ZFP2: variants seen among roughly 807,000 people sequenced by gnomAD.
ZFP2 encodes ZFP2 zinc finger protein.
Under a neutral mutation model 36.1 loss-of-function variants are expected in ZFP2, and 33 were observed. That is an observed-to-expected ratio of 0.92 (90% confidence interval 0.69 to 1.22). The LOEUF (loss-of-function observed/expected upper bound fraction) is 1.22, where lower values mean the gene tolerates loss of function less well. ZFP2 is among the 50% of genes most tolerant of loss of function. The pLI is 0.00. For missense variants in ZFP2, 522 were observed against 551.4 expected, an observed-to-expected ratio of 0.95 and a Z score of 0.53; for synonymous variants, 170 against 178.0, an observed-to-expected ratio of 0.96 and a Z score of 0.36.
chr5:178,910,428 C>T (rs369368190), intron 1 of ZFP2: 12 of 788,996 alleles, frequency 1.5e-5, no homozygotes, highest in Middle Eastern at 2.3e-4. Flanking sequence ...CTGGCAGCCT[C>T]GGCCTTCTTG....
chr5:178,931,648 G>C lies in ZFP2; in HGVS notation c.335G>C (p.Ser112Thr), dbSNP rs199533229. 360 of 1,614,150 alleles carry C rather than the reference G, an allele frequency of 2.2e-4. 4 individuals carry two copies. The South Asian group carries it at 3.7e-3, about 16-fold the overall frequency. The change falls in exon 5 of 5, where the codon AGT becomes ACT. Residue 112 changes from serine (S) to threonine (T), a missense_variant. Transcript: ENST00000361362. Reference sequence around the variant, plus strand: ...TGTAATCAGTGCAGCAAAACCTTCAGTCAGAGCTCATCCCTTCTTAAGCAC... The same window carrying C: ...TGTAATCAGTGCAGCAAAACCTTCACTCAGAGCTCATCCCTTCTTAAGCAC... Reference protein sequence around the residue: ...YECNQCSKTFSQSSSLLKHQR... With the variant: ...YECNQCSKTFTQSSSLLKHQR...
At chr5:178,922,709 C>T (rs1758582670) in intron 4 of ZFP2, 2 of 1,580,064 alleles carry the variant, frequency 1.3e-6, no homozygotes, top group Non-Finnish European at 1.7e-6. Context: ...AACTTACATA[C>T]AAGAACAATT....
In ZFP2 at chr5:178,909,785, C is replaced by T. The variant is rs569359407; in HGVS notation, c.-449-2799C>T. On this transcript the variant is annotated intron_variant, in intron 1 of 4. Coordinates refer to ENST00000361362, the MANE Select transcript of ZFP2 (RefSeq NM_030613.4). ...TCCCTTCCTCTTCTCTTTTCCTTCG[C>T]TTCATTTCCCACTCCACAAAGGTGT... 2.1e-5 allele frequency: 34 copies of T among 1,586,414 alleles called. No homozygotes were observed. In the East Asian group the frequency reaches 6.7e-4, roughly 31 times the overall value.
At chr5:178,901,713 C>G (rs1758060326) in intron 1 of ZFP2, among the ~76,000 whole-genome samples, 1 of 151,928 alleles carries the variant, frequency 6.6e-6, no homozygotes, top group Non-Finnish European at 1.5e-5. Context: ...TTGGGGGACA[C>G]AGTTCATAAC....
intron 4 of ZFP2, among the ~76,000 whole-genome samples, chr5:178,923,068 T>C (rs1192826482): frequency 6.7e-6 from 1 of 149,740 alleles, no homozygotes; most frequent in South Asian, 2.1e-4. Flanking sequence ...TCCCAGATAG[T>C]TGAAATGTAA....
chr5:178,916,108 G>C (rs895270184), intron 3 of ZFP2, among the ~76,000 whole-genome samples: 1 of 150,854 alleles, frequency 6.6e-6, no homozygotes, highest in African/African-American at 2.4e-5. Context: ...GGATGCTCTG[G>C]TGAAGGTGAG....
At chr5:178,929,483 C>T (rs1273340642) in intron 4 of ZFP2, among the ~76,000 whole-genome samples, 1 of 152,214 alleles carries the variant, frequency 6.6e-6, no homozygotes. Context: ...ACCATTCTCT[C>T]AAGTTCAAAG....
chr5:178,923,062 A>G (rs1420830254), intron 4 of ZFP2, among the ~76,000 whole-genome samples: 2 of 149,610 alleles, frequency 1.3e-5, no homozygotes, highest in African/African-American at 4.9e-5. Flanking sequence ...AGGATTTCCC[A>G]GATAGTTGAA....
At chr5:178,927,662 A>T (rs950243262) in intron 4 of ZFP2, among the ~76,000 whole-genome samples, 4 of 100,748 alleles carry the variant, frequency 4.0e-5, no homozygotes, top group African/African-American at 1.5e-4. Flanking sequence ...ATACCTGGCC[A>T]ATGTGTGTGT....
At chr5:178,930,985 C>G (rs907217017) in intron 4 of ZFP2, among the ~76,000 whole-genome samples, 2 of 152,218 alleles carry the variant, frequency 1.3e-5, no homozygotes, top group African/African-American at 4.8e-5. Context: ...TGGGCTCACT[C>G]TTTTCTCTGC....
At chr5:178,914,991 G>C (rs1758387031) in intron 3 of ZFP2, among the ~76,000 whole-genome samples, 1 of 152,140 alleles carries the variant, frequency 6.6e-6, no homozygotes, top group South Asian at 2.1e-4. Flanking sequence ...AGATCTATTT[G>C]TACTATCATT....
chr5:178,899,940 G>GTATAAACT (rs1207392077), intron 1 of ZFP2, among the ~76,000 whole-genome samples: 1 of 152,296 alleles, frequency 6.6e-6, no homozygotes, highest in East Asian at 1.9e-4. Context: ...GTGGAGGCAA[G>GTATAAACT]TATAAACTGT....
chr5:178,921,846 C>T (rs1477316111), intron 4 of ZFP2, among the ~76,000 whole-genome samples: 2 of 149,466 alleles, frequency 1.3e-5, no homozygotes, highest in African/African-American at 2.4e-5. Flanking sequence ...TTGCTTCATG[C>T]TTTCTGTTCG....
chr5:178,914,796 TCTC>T (rs1024796828), intron 3 of ZFP2, among the ~76,000 whole-genome samples: 1 of 152,084 alleles, frequency 6.6e-6, no homozygotes, highest in Non-Finnish European at 1.5e-5. Flanking sequence ...AGGGAGGGCT[TCTC>T]CTTTAATGAG....
At position 178,932,603 on chromosome 5, in the gene ZFP2, A is replaced by G. The variant is rs765570203; in HGVS notation, c.1290A>G (p.Arg430=). ...ATTCATCCCTTACAGTGCATCAGAGAACTCATACAGGAGAGAAACCCTATC... is the reference window on the plus strand; with the variant it reads ...ATTCATCCCTTACAGTGCATCAGAGGACTCATACAGGAGAGAAACCCTATC... The part of the protein sequence containing the change: ...IKNSSLTVHQ[R]THTGEKPYQC... The change falls in exon 5 of 5, where the codon AGA becomes AGG. Residue 430 remains arginine (R), a synonymous_variant. Transcript: ENST00000361362. The G allele has an allele frequency of 6.2e-7, 1 of 1,614,136 alleles. No individual in the cohort carries two copies. Among genetic ancestry groups the G allele is most frequent in the Admixed American group, 1.7e-5 (1 of 60,028 alleles).
intron 1 of ZFP2, among the ~76,000 whole-genome samples, chr5:178,902,747 T>G (rs1758085829): frequency 6.6e-6 from 1 of 150,522 alleles, no homozygotes; most frequent in Non-Finnish European, 1.5e-5. Flanking sequence ...AGGTAATGAT[T>G]CTCATTTCTT....
intron 1 of ZFP2, among the ~76,000 whole-genome samples, chr5:178,903,944 T>G (rs1217805897): frequency 6.6e-6 from 1 of 152,098 alleles, no homozygotes; most frequent in Non-Finnish European, 1.5e-5. Context: ...TGAGCCAAGA[T>G]TGTGCCACTG....
chr5:178,901,888 C>T (rs1758064442), intron 1 of ZFP2, among the ~76,000 whole-genome samples: 1 of 152,018 alleles, frequency 6.6e-6, no homozygotes, highest in Non-Finnish European at 1.5e-5. Flanking sequence ...AATCCCAGCA[C>T]TTTGGGAGGC....
At chr5:178,904,546 G>A (rs900032729) in intron 1 of ZFP2, among the ~76,000 whole-genome samples, 1 of 150,878 alleles carries the variant, frequency 6.6e-6, no homozygotes, top group Admixed American at 6.6e-5. Flanking sequence ...ATATATATGA[G>A]AGTTTATATT....
Sources: allele counts gnomAD v4.1 joint callset (sites outside exome capture counted in the v4.1 genomes callset), GRCh38; gene constraint gnomAD v4.1.1; transcripts MANE v1.5; gene names NCBI Gene and HGNC (gene_info 2026-07-23, HGNC 2026-07-21).